Variants in USH2A observed in about 807,000 individuals in gnomAD.
The protein encoded by USH2A is Usher syndrome 2A (autosomal recessive, mild).
USH2A carries 443 observed loss-of-function variants against 538.9 expected under a neutral mutation model. That is an observed-to-expected ratio of 0.82 (90% CI 0.76 to 0.89). The LOEUF is 0.89. Among genes scored for constraint, USH2A ranks in the 40% least tolerant of loss-of-function variants. USH2A has a pLI of 0.00. For synonymous variants in USH2A, 2,413 were observed against 2,273.5 expected (o/e 1.06, Z -1.75); for missense variants, 6,633 against 6,324.8 (o/e 1.05, Z -1.65).
intron 43 of USH2A, among the ~76,000 whole-genome samples, chr1:215,871,158 G>C (rs886476908): frequency 1.3e-5 from 2 of 151,874 alleles, no homozygotes; most frequent in African/African-American, 4.8e-5. Context: ...ACCATCCTCC[G>C]GTCTCTCCCT....
chr1:216,348,982 T>C (rs1229674034), intron 4 of USH2A, among the ~76,000 whole-genome samples: 1 of 152,206 alleles, frequency 6.6e-6, no homozygotes, highest in Non-Finnish European at 1.5e-5. Flanking sequence ...GCCCAGTTCA[T>C]GGAAAGTCTT....
chr1:216,141,272 C>T (rs1042440476), intron 21 of USH2A, among the ~76,000 whole-genome samples: 2 of 152,216 alleles, frequency 1.3e-5, no homozygotes, highest in African/African-American at 4.8e-5. Context: ...CAACATTATG[C>T]ACAGGGGGCC....
In USH2A at chr1:216,422,325, T is replaced by C. The variant is rs1236586396; in HGVS notation, c.12A>G (p.Pro4=). The change falls in exon 2 of 72, where the codon CCA becomes CCG. Residue 4 remains proline (P), a synonymous_variant. Transcript: ENST00000307340. The part of the protein sequence containing the change: MNC[P]VLSLGSGFLF... ...AGAAGCCAGAGCCCAATGAAAGAAC[T>C]GGGCAATTCATGTTTACAAAAAAGC... 1.9e-6 allele frequency: 3 copies of C among 1,613,764 alleles called. No individual in the cohort carries two copies. Among genetic ancestry groups the C allele is most frequent in the Non-Finnish European group, 1.7e-6 (2 of 1,179,816 alleles).
At chr1:215,733,197 C>CGG (rs71303016) in intron 60 of USH2A, among the ~76,000 whole-genome samples, 72 of 79,014 alleles carry the variant, frequency 9.1e-4, no homozygotes, top group African/African-American at 2.1e-3. Flanking sequence ...AGAGAGGTGG[C>CGG]GGGGGGGCGG....
intron 43 of USH2A, among the ~76,000 whole-genome samples, chr1:215,868,523 C>T (rs1300322987): frequency 6.6e-6 from 1 of 152,118 alleles, no homozygotes; most frequent in East Asian, 1.9e-4. Flanking sequence ...TGTTTAATGC[C>T]TCTTTTATTT....
At chr1:216,321,811 A>T in intron 9 of USH2A, 72 bp downstream of exon 9, 1 of 1,321,734 alleles carries the variant, frequency 7.6e-7, no homozygotes, top group Non-Finnish European at 1.1e-6. Flanking sequence ...GGCCAAGATT[A>T]AGTTCATAGA....
intron 66 of USH2A, 86 bp from the exon 67 acceptor site, chr1:215,647,816 G>T: frequency 6.7e-7 from 1 of 1,497,338 alleles, no homozygotes; most frequent in Non-Finnish European, 9.2e-7. Flanking sequence ...ATTTTGTGAG[G>T]AGACATTTTG....
chr1:215,924,225 G>A (rs1271551863), intron 38 of USH2A, among the ~76,000 whole-genome samples: 1 of 152,004 alleles, frequency 6.6e-6, no homozygotes, highest in Non-Finnish European at 1.5e-5. Context: ...AAAGCATAGT[G>A]GTTGTAAGTG....
At chr1:215,807,902 T>C (rs745732121) in intron 49 of USH2A, among the ~76,000 whole-genome samples, 4 of 152,086 alleles carry the variant, frequency 2.6e-5, no homozygotes, top group Non-Finnish European at 4.4e-5. Flanking sequence ...TATTTAGATA[T>C]AAAAGATAGG....
At chr1:215,869,928 C>A (rs948792934) in intron 43 of USH2A, among the ~76,000 whole-genome samples, 1 of 152,096 alleles carries the variant, frequency 6.6e-6, no homozygotes, top group African/African-American at 2.4e-5. Context: ...AAAACTCAGG[C>A]CACATAGATA....
intron 4 of USH2A, among the ~76,000 whole-genome samples, chr1:216,354,997 TAAC>T (rs1453618092): frequency 6.6e-6 from 1 of 151,918 alleles, no homozygotes; most frequent in African/African-American, 2.4e-5. Context: ...AATAAAATCT[TAAC>T]AGCATCAAGT....
chr1:215,708,403 T>C (rs1247386937), intron 61 of USH2A, among the ~76,000 whole-genome samples: 3 of 152,118 alleles, frequency 2.0e-5, no homozygotes, highest in Non-Finnish European at 4.4e-5. Flanking sequence ...TATCTGTCCT[T>C]GGAAAAGGAA....
At chr1:215,953,444 A>G (rs1571842482) in intron 37 of USH2A, among the ~76,000 whole-genome samples, 2 of 152,166 alleles carry the variant, frequency 1.3e-5, no homozygotes, top group South Asian at 4.1e-4. Context: ...GGCAAACCTG[A>G]CAAAAACAAG....
intron 64 of USH2A, among the ~76,000 whole-genome samples, chr1:215,654,430 A>G (rs1220737784): frequency 6.6e-6 from 1 of 152,144 alleles, no homozygotes; most frequent in African/African-American, 2.4e-5. Flanking sequence ...ATTCTTTTAT[A>G]ATAAAAGATT....
chr1:215,729,844 GCTGGT>G lies in USH2A; in HGVS notation c.11712-1465_11712-1461del, dbSNP rs1473365270. Among the ~76,000 whole-genome samples the G allele has an allele frequency of 3.3e-5, 5 of 152,242 alleles. No homozygotes were observed. In the East Asian group the frequency reaches 5.8e-4, roughly 18 times the overall value. ...GATGAGGTCTTGCCATGTTGCCCAG[GCTGGT>G]CTTCCCCAAGCAAGCCTCTGGCCTT... is the stretch of plus-strand genomic sequence containing the variant. On this transcript the variant is annotated intron_variant, in intron 60 of 71. Transcript: ENST00000307340.
chr1:215,905,793 C>A (rs1391897915), intron 38 of USH2A, among the ~76,000 whole-genome samples: 1 of 152,062 alleles, frequency 6.6e-6, no homozygotes, highest in East Asian at 1.9e-4. Context: ...AGGAATCTGA[C>A]TCTAGCCTAC....
intron 55 of USH2A, among the ~76,000 whole-genome samples, chr1:215,770,117 C>T (rs965692896): frequency 6.6e-6 from 1 of 152,160 alleles, no homozygotes; most frequent in Non-Finnish European, 1.5e-5. Flanking sequence ...CTCACATTTT[C>T]CTTGGATAAG....
intron 41 of USH2A, among the ~76,000 whole-genome samples, chr1:215,881,203 C>T (rs938625995): frequency 9.9e-5 from 15 of 152,144 alleles, no homozygotes; most frequent in East Asian, 3.9e-4. Flanking sequence ...TGCAGCGGTG[C>T]GATTTCAGCC....
At chr1:215,939,143 G>C (rs1211573554) in intron 37 of USH2A, among the ~76,000 whole-genome samples, 1 of 152,124 alleles carries the variant, frequency 6.6e-6, no homozygotes, top group Non-Finnish European at 1.5e-5. Flanking sequence ...AATAACATCA[G>C]GGTTTCTGAT....
Sources: allele counts gnomAD v4.1 joint callset (sites outside exome capture counted in the v4.1 genomes callset), GRCh38; gene constraint gnomAD v4.1.1; transcripts MANE v1.5; gene names NCBI Gene and HGNC (gene_info 2026-07-23, HGNC 2026-07-21).